The following PEX5L variants were observed in gnomAD, a reference collection of about 807,000 sequenced individuals.
PEX5L encodes PEX5-related protein.
PEX5L carries 30 observed loss-of-function variants against 84.0 expected under a neutral mutation model. That is an observed-to-expected ratio of 0.36 (90% CI 0.27 to 0.48). The LOEUF is 0.48. Among genes scored for constraint, PEX5L ranks in the 20% least tolerant of loss-of-function variants. The pLI, the probability that PEX5L is intolerant of heterozygous loss-of-function variation, is 0.99. For synonymous variants in PEX5L, 270 were observed against 283.1 expected (o/e 0.95, Z 0.46); for missense variants, 533 against 754.6 (o/e 0.71, Z 3.44).
At position 179,982,890 on chromosome 3, in the gene PEX5L, C is replaced by T. The variant is rs1786461216; in HGVS notation, c.22-11225G>A. ...GTACCATGTCCTAAATAGAGAAAAG[C>T]CTTTTTAAATGATCAAAGTATCATT... On this transcript the variant is annotated intron_variant, in intron 1 of 14. Coordinates refer to ENST00000467460, the MANE Select transcript of PEX5L (RefSeq NM_016559.3). Among the ~76,000 whole-genome samples, 3 of 151,792 alleles carry T rather than the reference C, an allele frequency of 2.0e-5. 1 individual carries two copies. In the South Asian group the frequency reaches 6.2e-4, roughly 32 times the overall value.
chr3:179,894,867 G>T (rs1758735414), intron 3 of PEX5L, among the ~76,000 whole-genome samples: 1 of 152,034 alleles, frequency 6.6e-6, no homozygotes, highest in African/African-American at 2.4e-5. Flanking sequence ...TGCTAAAAAA[G>T]TATCTAGGAG....
rs760368234 is a variant in PEX5L, at chr3:179,809,670, T to TA, written c.1155-3_1155-2insT. The TA allele has an allele frequency of 3.6e-5, 50 of 1,370,524 alleles. No homozygotes were observed. In the African/African-American group the frequency reaches 7.6e-4, roughly 21 times the overall value. 84.9% of individuals were successfully genotyped at this position (1,370,524 alleles called of 1,614,324 possible). A position where few individuals can be genotyped will look rare whatever the true frequency, so the allele number is the denominator to read the frequency against. ...TTGTTGGGCTGTAATTCTAAGCACC[T>TA]GAAAAAAAAAAAGAAGCCAATTTCA... On this transcript the variant is annotated splice_region_variant and splice_polypyrimidine_tract_variant and intron_variant, in intron 11 of 14. Coordinates refer to ENST00000467460, the MANE Select transcript of PEX5L (RefSeq NM_016559.3).
At chr3:179,931,239 T>C (rs1042526238) in intron 2 of PEX5L, among the ~76,000 whole-genome samples, 7 of 152,238 alleles carry the variant, frequency 4.6e-5, no homozygotes, top group African/African-American at 1.7e-4. Flanking sequence ...GGGACCTCTG[T>C]CAATAACGGA....
chr3:179,996,679 C>T (rs958304562), intron 1 of PEX5L, among the ~76,000 whole-genome samples: 1 of 152,190 alleles, frequency 6.6e-6, no homozygotes, highest in African/African-American at 2.4e-5. Context: ...AATTGCTCTT[C>T]TCTGTATGTC....
At chr3:179,946,017 G>GTT (rs10605374) in intron 2 of PEX5L, among the ~76,000 whole-genome samples, 7 of 143,996 alleles carry the variant, frequency 4.9e-5, no homozygotes, top group South Asian at 2.2e-4. Flanking sequence ...AGTACTGAAA[G>GTT]TTTTTTTTTT....
chr3:179,955,154 G>A (rs1324459287), intron 2 of PEX5L, among the ~76,000 whole-genome samples: 2 of 152,040 alleles, frequency 1.3e-5, no homozygotes, highest in African/African-American at 4.8e-5. Context: ...TAGGCTGGAA[G>A]TTCTGAGGAA....
chr3:179,992,184 C>G (rs1020105162), intron 1 of PEX5L, among the ~76,000 whole-genome samples: 1 of 152,170 alleles, frequency 6.6e-6, no homozygotes, highest in Non-Finnish European at 1.5e-5. Flanking sequence ...GCAATATATT[C>G]TTCCCAGCCT....
At chr3:180,009,832 C>T (rs1789266115) in intron 1 of PEX5L, among the ~76,000 whole-genome samples, 1 of 152,098 alleles carries the variant, frequency 6.6e-6, no homozygotes, top group African/African-American at 2.4e-5. Context: ...TGTGTCTGGC[C>T]TATAGAAAGT....
At chr3:179,977,696 C>A (rs191790170) in intron 1 of PEX5L, among the ~76,000 whole-genome samples, 106 of 152,202 alleles carry the variant, frequency 7.0e-4, no homozygotes, top group African/African-American at 2.4e-3. Flanking sequence ...AATTGCCTTA[C>A]CAGTTAAAAA....
chr3:179,817,099 C>T (rs1031885497), intron 9 of PEX5L, among the ~76,000 whole-genome samples: 1 of 152,208 alleles, frequency 6.6e-6, no homozygotes, highest in Non-Finnish European at 1.5e-5. Context: ...TGGAGAACTA[C>T]AAACCATTGT....
At chr3:179,877,905 C>T (rs199874112) in intron 5 of PEX5L, among the ~76,000 whole-genome samples, 10 of 152,182 alleles carry the variant, frequency 6.6e-5, no homozygotes, top group African/African-American at 1.4e-4. Flanking sequence ...AGGGGAGAGG[C>T]GTTCCTGTGT....
chr3:179,845,179 C>G (rs772321618), intron 8 of PEX5L, among the ~76,000 whole-genome samples: 5 of 152,144 alleles, frequency 3.3e-5, no homozygotes, highest in Non-Finnish European at 7.4e-5. Flanking sequence ...CAATTTGTGT[C>G]TAATAATCCA....
chr3:179,851,993 A>G (rs566244242), intron 8 of PEX5L, among the ~76,000 whole-genome samples: 14 of 152,300 alleles, frequency 9.2e-5, no homozygotes, highest in African/African-American at 3.4e-4. Flanking sequence ...GAGATGAGGA[A>G]GAGAGTAGTG....
chr3:179,874,217 G>T (rs753226738), intron 7 of PEX5L, 110 bp downstream of exon 7: 3 of 569,266 alleles, frequency 5.3e-6, no homozygotes, highest in Non-Finnish European at 6.1e-6. Context: ...CACATGAAAC[G>T]CAATGTACAA....
At chr3:179,846,615 G>A (rs1454771920) in intron 8 of PEX5L, among the ~76,000 whole-genome samples, 1 of 152,184 alleles carries the variant, frequency 6.6e-6, no homozygotes, top group Non-Finnish European at 1.5e-5. Flanking sequence ...CCTAGCATTT[G>A]AATCAGTAGA....
At chr3:179,986,907 C>T in intron 1 of PEX5L, among the ~76,000 whole-genome samples, 1 of 152,200 alleles carries the variant, frequency 6.6e-6, no homozygotes, top group Middle Eastern at 3.4e-3. Flanking sequence ...AGAAAAATAT[C>T]AAAAGGTCAA....
At chr3:179,886,038 G>A (rs532601205) in intron 4 of PEX5L, among the ~76,000 whole-genome samples, 1 of 152,178 alleles carries the variant, frequency 6.6e-6, no homozygotes, top group South Asian at 2.1e-4. Context: ...TCTTCCATAT[G>A]TTAGAACAAT....
intron 1 of PEX5L, among the ~76,000 whole-genome samples, chr3:180,030,720 A>G (rs1791377913): frequency 6.6e-6 from 1 of 152,200 alleles, no homozygotes; most frequent in Non-Finnish European, 1.5e-5. Context: ...TGGAATTTCC[A>G]TGATTCATAG....
At chr3:180,033,353 T>C (rs574035920) in intron 1 of PEX5L, among the ~76,000 whole-genome samples, 211 of 152,300 alleles carry the variant, frequency 1.4e-3, no homozygotes, top group African/African-American at 4.9e-3. Flanking sequence ...CAGTTACAAT[T>C]ACAAATAGAT....
Sources: allele counts gnomAD v4.1 joint callset (sites outside exome capture counted in the v4.1 genomes callset), GRCh38; gene constraint gnomAD v4.1.1; transcripts MANE v1.5; gene names NCBI Gene and HGNC (gene_info 2026-07-23, HGNC 2026-07-21).